The following DNM2 variants were observed in gnomAD, a reference collection of about 807,000 sequenced individuals.
The protein encoded by DNM2 is dynamin-2.
A neutral mutation model predicts 99.0 loss-of-function variants in DNM2; 15 were observed. The observed-to-expected ratio is 0.15, with a 90% confidence interval of 0.10 to 0.23. The LOEUF (loss-of-function observed/expected upper bound fraction) is 0.23. Ranked by LOEUF, DNM2 falls within the 10% of genes least tolerant of loss-of-function variation. The pLI is 1.00. For missense variants in DNM2, 742 were observed against 1,189.4 expected, an observed-to-expected ratio of 0.62 and a Z score of 5.53; for synonymous variants, 525 against 481.2, an observed-to-expected ratio of 1.09 and a Z score of -1.19.
intron 18 of DNM2, 64 bp from the exon 19 acceptor site, chr19:10,828,972 A>C: frequency 6.6e-7 from 1 of 1,521,044 alleles, no homozygotes. Context: ...TTTTTCCAGC[A>C]GTCACTGTGG....
intron 1 of DNM2, among the ~76,000 whole-genome samples, chr19:10,725,429 G>C (rs1288160025): frequency 2.0e-5 from 3 of 148,222 alleles, no homozygotes; most frequent in Non-Finnish European, 4.4e-5. Flanking sequence ...CTGGGGGACA[G>C]AGTGAGACTC....
At chr19:10,827,020 CAGG>C (rs1025144330) in intron 18 of DNM2, among the ~76,000 whole-genome samples, 1 of 150,954 alleles carries the variant, frequency 6.6e-6, no homozygotes, top group Non-Finnish European at 1.5e-5. Context: ...GGAGGCTTGG[CAGG>C]AGGATCACTC....
chr19:10,737,853 C>T (rs879768354), intron 1 of DNM2, among the ~76,000 whole-genome samples: 1 of 152,192 alleles, frequency 6.6e-6, no homozygotes, highest in Admixed American at 6.5e-5. Flanking sequence ...GGCGGTGCCC[C>T]TGGCTGTAGC....
rs112740866 is a variant in DNM2, at chr19:10,831,117, C to T, written c.*70C>T. 8 of 1,511,748 alleles carry T rather than the reference C, an allele frequency of 5.3e-6. No homozygotes were observed. The highest frequency in any genetic ancestry group is 2.2e-5 in the Admixed American group (1 of 46,200). 93.6% of individuals were successfully genotyped at this position (1,511,748 alleles called of 1,614,324 possible). A position where few individuals can be genotyped will look rare whatever the true frequency, so the allele number is the denominator to read the frequency against. The stretch of plus-strand genomic sequence containing the variant: ...GCGCAGGAGCTTCAGTGGTCTGGGG[C>T]CCTCCGCCGCCCCTATGCTGGGACC... On this transcript the variant is annotated 3_prime_UTR_variant, in exon 21 of 21. Transcript: ENST00000389253. The surrounding 1 kb of genome is among the most constrained non-coding windows in gnomAD (Gnocchi z 4.3).
At position 10,795,571 on chromosome 19, in the gene DNM2, C is replaced by A; in HGVS notation, c.1196+132C>A. 2 of 1,016,296 alleles carry A rather than the reference C, an allele frequency of 2.0e-6. No individual in the cohort carries two copies. The highest frequency in any genetic ancestry group is 3.0e-6 in the Non-Finnish European group (2 of 661,120). 63.0% of individuals were successfully genotyped at this position (1,016,296 alleles called of 1,614,324 possible). On this transcript the variant is annotated intron_variant, in intron 9 of 20. Transcript: ENST00000389253. The surrounding 1 kb of genome is among the most constrained non-coding windows in gnomAD (Gnocchi z 4.2). Reference sequence around the variant, plus strand: ...AGGGCTCTTGGATGGTTTTCTGTAGCTGCGAGCCCCTCCCTGAGGGTCTCC... The same window carrying A: ...AGGGCTCTTGGATGGTTTTCTGTAGATGCGAGCCCCTCCCTGAGGGTCTCC...
intron 11 of DNM2, 73 bp from the exon 12 acceptor site, chr19:10,802,214 AG>A: frequency 6.5e-7 from 1 of 1,533,840 alleles, no homozygotes; most frequent in South Asian, 1.1e-5. Context: ...TGGCAAGGCC[AG>A]GAAATGCTCT....
Position 10,764,458 on chromosome 19 carries a change from C to T in DNM2, c.235+4647C>T, listed in dbSNP as rs1237307669. Among the ~76,000 whole-genome samples the T allele has an allele frequency of 2.0e-5, 3 of 152,192 alleles. No individual in the cohort carries two copies. The highest frequency in any genetic ancestry group is 4.8e-5 in the African/African-American group (2 of 41,438). On this transcript the variant is annotated intron_variant, in intron 2 of 20. Transcript: ENST00000389253. The surrounding 1 kb of genome is among the most constrained non-coding windows in gnomAD (Gnocchi z 4.1). ...TTTAAACATTACCTAAGACCATAAC[C>T]ACCAGGAAGTTTGGTGGCCCATGAG...
At position 10,729,189 on chromosome 19, in the gene DNM2, A is replaced by AAT. The variant is rs58702027; in HGVS notation, c.161+10790_161+10791dup. Among the ~76,000 whole-genome samples the AAT allele has an allele frequency of 4.1e-3, 592 of 145,958 alleles. 14 individuals carry two copies. The highest frequency in any genetic ancestry group is 0.018 in the Middle Eastern group (5 of 280). On this transcript the variant is annotated intron_variant, in intron 1 of 20. Transcript: ENST00000389253. The stretch of plus-strand genomic sequence containing the variant: ...CAAAAAAAAAAAAAAAAAAAAAAAA[A>AAT]ATATAAAAAATTAGCCAAGCATGGT...
chr19:10,798,381 A>ATATC (rs1478207624), intron 10 of DNM2, 105 bp from the exon 11 acceptor site: 2 of 785,832 alleles, frequency 2.5e-6, no homozygotes, highest in Non-Finnish European at 4.4e-6. Flanking sequence ...GGGCCCCCTC[A>ATATC]TATCTCATTC....
rs1211616910 is a variant in DNM2, at chr19:10,812,053, C to T, written c.1558-211C>T. On this transcript the variant is annotated intron_variant, in intron 14 of 20. Transcript: ENST00000389253. The surrounding 1 kb of genome is among the most constrained non-coding windows in gnomAD (Gnocchi z 4.0). ...TCAGCCCCTGGCCCAGTGAGTCTGT[C>T]TGTCCGCCCACCTGCCCAGGTGGCG... 1.9e-6 allele frequency: 1 copy of T among 539,322 alleles called. No homozygotes were observed. The highest frequency in any genetic ancestry group is 3.6e-6 in the Non-Finnish European group (1 of 281,146). 33.4% of individuals were successfully genotyped at this position (539,322 alleles called of 1,614,324 possible).
chr19:10,797,908 C>T (rs528273056), intron 10 of DNM2, among the ~76,000 whole-genome samples: 1 of 152,274 alleles, frequency 6.6e-6, no homozygotes, highest in South Asian at 2.1e-4. Context: ...TTCCCCGACT[C>T]GTGGACTTGA....
intron 15 of DNM2, among the ~76,000 whole-genome samples, chr19:10,813,047 C>T (rs866607101): frequency 2.2e-4 from 33 of 152,218 alleles, no homozygotes; most frequent in African/African-American, 7.0e-4. Context: ...CCAGGGGCAC[C>T]GGGGTTCCAT....
At chr19:10,787,505 G>A (rs1366340518) in intron 7 of DNM2, among the ~76,000 whole-genome samples, 1 of 151,376 alleles carries the variant, frequency 6.6e-6, no homozygotes, top group Non-Finnish European at 1.5e-5. Context: ...GGTGGCTCAC[G>A]CCTGTAATCC....
Position 10,782,942 on chromosome 19 carries a change from G to T in DNM2, c.689-18G>T, listed in dbSNP as rs754530257. On this transcript the variant is annotated intron_variant, in intron 5 of 20. Coordinates refer to ENST00000389253, the MANE Select transcript of DNM2 (RefSeq NM_001005361.3). ...GCTCACCTAGCTTTGCCCCTGACCT[G>T]ACTGCCTCTCCCCACAGGCTACATT... 1 of 1,613,948 alleles carries T rather than the reference G, an allele frequency of 6.2e-7. No individual in the cohort carries two copies.
chr19:10,738,624 G>A (rs1007991880), intron 1 of DNM2, among the ~76,000 whole-genome samples: 12 of 152,192 alleles, frequency 7.9e-5, no homozygotes, highest in Non-Finnish European at 1.8e-4. Context: ...CACTTTGGGA[G>A]GTTGAGGCGG....
intron 2 of DNM2, among the ~76,000 whole-genome samples, chr19:10,766,487 G>C (rs1289070928): frequency 6.6e-6 from 1 of 152,194 alleles, no homozygotes; most frequent in African/African-American, 2.4e-5. Flanking sequence ...AAGGGCCTGA[G>C]GTGCAGGGGA....
chr19:10,813,541 A>C (rs1250808224), intron 15 of DNM2, among the ~76,000 whole-genome samples: 1 of 152,132 alleles, frequency 6.6e-6, no homozygotes, highest in Admixed American at 6.6e-5. Context: ...GAAATACACA[A>C]GGCTGGGCAC....
chr19:10,811,323 C>T lies in DNM2; in HGVS notation c.1558-941C>T. The stretch of plus-strand genomic sequence containing the variant: ...GTGGGTCGGGGTAGTCCGGATGAAG[C>T]CCCTCCAGAGGACCGCCCCCGACTA... On this transcript the variant is annotated intron_variant, in intron 14 of 20. Transcript: ENST00000389253. This position sits in a 1 kb window ranked among gnomAD's most constrained non-coding sequence, Gnocchi z 5.4. 1 of 206,492 alleles carries T rather than the reference C, an allele frequency of 4.8e-6. No homozygotes were observed. The highest frequency in any genetic ancestry group is 1.0e-5 in the Non-Finnish European group (1 of 98,886). The allele number at this position is 206,492 out of a possible 1,614,324, so 12.8% of individuals were successfully genotyped here. A position where few individuals can be genotyped will look rare whatever the true frequency, so the allele number is the denominator to read the frequency against.
rs1399140440 is a variant in DNM2, at chr19:10,820,070, A to G, written c.1762A>G (p.Ile588Val). 1 of 1,614,174 alleles carries G rather than the reference A, an allele frequency of 6.2e-7. No individual in the cohort carries two copies. The highest frequency in any genetic ancestry group is 8.5e-7 in the Non-Finnish European group (1 of 1,180,032). ...CATGTCCAACAAGCACGTCTTCGCC[A>G]TCTTCAACACGGAGCAGAGGTGAGG... is the stretch of plus-strand genomic sequence containing the variant. ...GFMSNKHVFA[I>V]FNTEQRNVYK... The change falls in exon 16 of 21, where the codon ATC becomes GTC. Residue 588 changes from isoleucine (I) to valine (V), a missense_variant. Transcript: ENST00000389253. This position sits in a 1 kb window ranked among gnomAD's most constrained non-coding sequence, Gnocchi z 4.3.
Sources: allele counts gnomAD v4.1 joint callset (sites outside exome capture counted in the v4.1 genomes callset), GRCh38; gene constraint gnomAD v4.1.1; non-coding constraint Gnocchi (gnomAD v3.1); transcripts MANE v1.5; gene names NCBI Gene and HGNC (gene_info 2026-07-23, HGNC 2026-07-21).